Variants in IQGAP2 observed in about 807,000 individuals in gnomAD.
The protein encoded by IQGAP2 is ras GTPase-activating-like protein IQGAP2.
A neutral mutation model predicts 201.3 loss-of-function variants in IQGAP2; 173 were observed. The ratio of observed to expected loss-of-function variants is 0.86; its 90% CI spans 0.76 to 0.98. The LOEUF is 0.98. Ranked by LOEUF, IQGAP2 falls within the 50% of genes least tolerant of loss-of-function variation. The pLI is 0.00. For synonymous variants in IQGAP2, 675 were observed against 673.9 expected (o/e 1.00, Z -0.03); for missense variants, 1,687 against 1,864.8 (o/e 0.90, Z 1.76).
chr5:76,615,246 T>C (rs1264872496), intron 13 of IQGAP2, among the ~76,000 whole-genome samples: 3 of 152,272 alleles, frequency 2.0e-5, no homozygotes, highest in Non-Finnish European at 4.4e-5. Flanking sequence ...AATATTGCTG[T>C]ATTTTTTCCT....
At chr5:76,619,930 A>G (rs1749470374) in intron 13 of IQGAP2, among the ~76,000 whole-genome samples, 1 of 152,142 alleles carries the variant, frequency 6.6e-6, no homozygotes, top group African/African-American at 2.4e-5. Flanking sequence ...AGATTTGAAG[A>G]TGCTATGCTG....
chr5:76,525,853 A>G (rs1758942586), intron 2 of IQGAP2, among the ~76,000 whole-genome samples: 1 of 152,256 alleles, frequency 6.6e-6, no homozygotes, highest in Admixed American at 6.5e-5. Context: ...GGTGATGGGC[A>G]TAAATGATAT....
At chr5:76,510,926 T>A (rs924539981) in intron 2 of IQGAP2, among the ~76,000 whole-genome samples, 2 of 152,210 alleles carry the variant, frequency 1.3e-5, no homozygotes, top group African/African-American at 4.8e-5. Context: ...CTGCAAGGCC[T>A]TGGACTCATG....
At chr5:76,475,208 A>T (rs1488532936) in intron 2 of IQGAP2, among the ~76,000 whole-genome samples, 1 of 152,194 alleles carries the variant, frequency 6.6e-6, no homozygotes, top group Non-Finnish European at 1.5e-5. Flanking sequence ...TGAGGTGAGG[A>T]GGGTGGAGGC....
At chr5:76,570,510 A>C (rs1745036950) in intron 3 of IQGAP2, 70 bp from the exon 4 acceptor site, 2 of 1,024,422 alleles carry the variant, frequency 2.0e-6, no homozygotes, top group South Asian at 1.3e-5. Context: ...TACATGAAAA[A>C]AGTTATTGCA....
At chr5:76,668,882 T>C (rs373404751) in intron 23 of IQGAP2, 38 bp downstream of exon 23, 45 of 1,326,420 alleles carry the variant, frequency 3.4e-5, no homozygotes, top group Non-Finnish European at 4.4e-5. Flanking sequence ...TACCAGTGAA[T>C]CAATCCTTTT....
rs1040356462 is a variant in IQGAP2, at chr5:76,429,116, G to A, written c.46+25525G>A. Among the ~76,000 whole-genome samples, 4 of 150,816 alleles carry A rather than the reference G, an allele frequency of 2.7e-5. No homozygotes were observed. In the East Asian group the frequency reaches 7.9e-4, roughly 30 times the overall value. Reference sequence around the variant, plus strand: ...ATTCTAGAAGTACATTGCTTTCCTAGAAAAACATCTGAAATGAAAAGTGAT... The same window carrying A: ...ATTCTAGAAGTACATTGCTTTCCTAAAAAAACATCTGAAATGAAAAGTGAT... On this transcript the variant is annotated intron_variant, in intron 1 of 35. Transcript: ENST00000274364.
In IQGAP2 at chr5:76,683,207, A is replaced by G; in HGVS notation, c.3753A>G (p.Glu1251=). Residue 1251 remains glutamate, a synonymous_variant, in exon 29 of 36, where the codon GAA becomes GAG. Transcript: ENST00000274364. ...CGCTGGGAGAGGTGCCAACCGTGGA[A>G]TCTTTTCTTGGTAAGAGCTTGTTCC... ...LGSLGEVPTV[E]SFLGEGAVDP... 6.2e-7 allele frequency: 1 copy of G among 1,609,908 alleles called. No homozygotes were observed. Among genetic ancestry groups the G allele is most frequent in the Non-Finnish European group, 8.5e-7 (1 of 1,177,952 alleles).
intron 2 of IQGAP2, among the ~76,000 whole-genome samples, chr5:76,470,224 A>G (rs545444494): frequency 6.6e-6 from 1 of 152,332 alleles, no homozygotes; most frequent in East Asian, 1.9e-4. Context: ...AGAGTAGGCA[A>G]CTGAGAGAAG....
chr5:76,438,911 A>G (rs1316062303), intron 1 of IQGAP2, among the ~76,000 whole-genome samples: 1 of 151,140 alleles, frequency 6.6e-6, no homozygotes, highest in Non-Finnish European at 1.5e-5. Context: ...CTAATCTTTT[A>G]TTTATTTATT....
chr5:76,573,381 A>G (rs1462887644), intron 4 of IQGAP2, among the ~76,000 whole-genome samples: 1 of 152,208 alleles, frequency 6.6e-6, no homozygotes, highest in Admixed American at 6.5e-5. Context: ...TCCTTCATTT[A>G]TCAATATTAA....
At chr5:76,458,195 C>T (rs953254676) in intron 1 of IQGAP2, among the ~76,000 whole-genome samples, 1 of 152,184 alleles carries the variant, frequency 6.6e-6, no homozygotes, top group African/African-American at 2.4e-5. Flanking sequence ...CAGTCCCTTT[C>T]CCTTGCTTGA....
chr5:76,444,974 A>T (rs536529887), intron 1 of IQGAP2, among the ~76,000 whole-genome samples: 120 of 152,328 alleles, frequency 7.9e-4, no homozygotes, highest in Middle Eastern at 3.4e-3. Flanking sequence ...GAGAGATACC[A>T]TTTCTAATTT....
At chr5:76,582,118 G>A (rs1745914148) in intron 5 of IQGAP2, among the ~76,000 whole-genome samples, 1 of 152,200 alleles carries the variant, frequency 6.6e-6, no homozygotes, top group Non-Finnish European at 1.5e-5. Flanking sequence ...GGCAGTTGAG[G>A]CACAGAGAGG....
At chr5:76,525,240 A>G (rs1208652119) in intron 2 of IQGAP2, among the ~76,000 whole-genome samples, 1 of 152,190 alleles carries the variant, frequency 6.6e-6, no homozygotes, top group African/African-American at 2.4e-5. Context: ...CAGTTGTGCC[A>G]TTGTTTGCTG....
intron 13 of IQGAP2, chr5:76,617,721 T>A: frequency 6.2e-7 from 1 of 1,614,042 alleles, no homozygotes; most frequent in Non-Finnish European, 8.5e-7. Context: ...GTTGTTGTAG[T>A]AGTAGTTAGC....
Position 76,413,231 on chromosome 5 carries a change from C to T in IQGAP2, c.46+9640C>T, listed in dbSNP as rs191183392. Among the ~76,000 whole-genome samples, 441 of 133,940 alleles carry T rather than the reference C, an allele frequency of 3.3e-3. 16 individuals are homozygous for T. Among genetic ancestry groups the T allele is most frequent in the Admixed American group, 0.032 (385 of 12,112 alleles). The allele number at this position is 133,940 out of a possible 152,430, so 87.9% of individuals were successfully genotyped here. A position where few individuals can be genotyped will look rare whatever the true frequency, so the allele number is the denominator to read the frequency against. ...TCGCCTAGGCTGGAGTGCAGTGGCGCGATCTTGGCTCACTGCAACCTCCAC... is the reference window on the plus strand; with the variant it reads ...TCGCCTAGGCTGGAGTGCAGTGGCGTGATCTTGGCTCACTGCAACCTCCAC... On this transcript the variant is annotated intron_variant, in intron 1 of 35. Coordinates refer to ENST00000274364, the MANE Select transcript of IQGAP2 (RefSeq NM_006633.5).
At chr5:76,541,922 C>T (rs1466375519) in intron 2 of IQGAP2, among the ~76,000 whole-genome samples, 1 of 152,154 alleles carries the variant, frequency 6.6e-6, no homozygotes, top group African/African-American at 2.4e-5. Context: ...CTTTGAAATA[C>T]TGTAATAAGA....
At position 76,652,813 on chromosome 5, in the gene IQGAP2, A is replaced by C. The variant is rs775860489; in HGVS notation, c.2158A>C (p.Asn720His). ...YMHRRQTFID[N>H]TDSIVKIQSW... ...GCACAGGCGGCAAACGTTCATTGATAATACTGATTCTATTGTGAAGGTAAA... is the reference window on the plus strand; with the variant it reads ...GCACAGGCGGCAAACGTTCATTGATCATACTGATTCTATTGTGAAGGTAAA... Residue 720 changes from asparagine to histidine, a missense_variant, in exon 18 of 36, where the codon AAT becomes CAT. Physicochemically the swap from Asn to His is moderately conservative, Grantham distance 68. Transcript: ENST00000274364. 1.9e-6 allele frequency: 3 copies of C among 1,605,792 alleles called. No individual in the cohort carries two copies. The South Asian group carries it at 3.3e-5, about 18-fold the overall frequency.
Sources: gnomAD v4.1 joint callset for allele counts (sites outside exome capture counted in the v4.1 genomes callset) on GRCh38, gnomAD v4.1.1 for gene constraint, MANE v1.5 for transcripts, NCBI Gene and HGNC (gene_info 2026-07-23, HGNC 2026-07-21) for gene names.